SMC5: variants seen among roughly 807,000 people sequenced by gnomAD.
The protein encoded by SMC5 is structural maintenance of chromosomes protein 5.
A neutral mutation model predicts 148.3 loss-of-function variants in SMC5; 88 were observed. The ratio of observed to expected loss-of-function variants is 0.59; its 90% CI spans 0.50 to 0.71. The LOEUF is 0.71. SMC5 is among the 30% of genes least tolerant of loss of function. The pLI, the probability that SMC5 is intolerant of heterozygous loss-of-function variation, is 0.00. For synonymous variants in SMC5, 421 were observed against 432.8 expected (o/e 0.97, Z 0.34); for missense variants, 1,142 against 1,298.9 (o/e 0.88, Z 1.86).
intron 3 of SMC5, among the ~76,000 whole-genome samples, chr9:70,273,832 A>G (rs1000178172): frequency 2.0e-5 from 3 of 152,160 alleles, no homozygotes; most frequent in African/African-American, 7.2e-5. Flanking sequence ...TTTTGTAGTG[A>G]ACTTTAGTAA....
Position 70,347,638 on chromosome 9 carries a change from A to G in SMC5, c.2690A>G (p.Glu897Gly), listed in dbSNP as rs774306337. 1.9e-6 allele frequency: 3 copies of G among 1,575,994 alleles called. No individual in the cohort carries two copies. The South Asian group carries it at 3.5e-5, about 19-fold the overall frequency. Residue 897 changes from glutamate to glycine, a missense_variant, in exon 21 of 25, where the codon GAA becomes GGA. Around this residue, in one of 5 missense-constraint regions of SMC5, gnomAD observed 743 missense variants for 835.7 expected, o/e 0.89. Coordinates refer to ENST00000361138, the MANE Select transcript of SMC5 (RefSeq NM_015110.4). ...PTIVQEYTKR[E>G]EEIEQLTEEL... is the part of the protein sequence containing the mutation. The stretch of plus-strand genomic sequence containing the variant: ...ATTGTTCAGGAATATACAAAAAGAG[A>G]AGAAGAAATAGAACAGTTAACTGAG...
chr9:70,342,237 TGTG>T (rs1296647269), intron 17 of SMC5, among the ~76,000 whole-genome samples: 1 of 102,232 alleles, frequency 9.8e-6, no homozygotes, highest in African/African-American at 3.9e-5. Flanking sequence ...TGGGGACTGT[TGTG>T]GGGTGGGGGG....
At chr9:70,347,805 A>C (rs1338976180) in intron 21 of SMC5, 88 bp downstream of exon 21, 5 of 1,244,534 alleles carry the variant, frequency 4.0e-6, no homozygotes, top group Non-Finnish European at 5.6e-6. Context: ...ACATGCTTCT[A>C]AGAGAAGTGT....
At chr9:70,338,926 TAGG>T (rs2036437200) in intron 17 of SMC5, among the ~76,000 whole-genome samples, 1 of 152,174 alleles carries the variant, frequency 6.6e-6, no homozygotes, top group Non-Finnish European at 1.5e-5. Flanking sequence ...GAGGCTGAGA[TAGG>T]AGGATCACTT....
In SMC5 at chr9:70,311,869, C is replaced by T. The variant is rs190279468; in HGVS notation, c.1579-2873C>T. ...GTTTTACTTTCTTTTTTTTCCCAAT[C>T]TTTTCTTTCTTGTGCATTATTACAT... On this transcript the variant is annotated intron_variant, in intron 11 of 24. Transcript: ENST00000361138. 9.9e-5 allele frequency: 15 copies of T among 151,894 alleles called. No homozygotes were observed. The East Asian group carries it at 2.9e-3, about 29-fold the overall frequency. The allele number at this position is 151,894 out of a possible 1,614,324, so 9.4% of individuals were successfully genotyped here. A position where few individuals can be genotyped will look rare whatever the true frequency, so the allele number is the denominator to read the frequency against.
intron 7 of SMC5, among the ~76,000 whole-genome samples, chr9:70,283,606 AC>A (rs2034815407): frequency 6.6e-6 from 1 of 152,194 alleles, no homozygotes; most frequent in African/African-American, 2.4e-5. Context: ...ATTTTATGAA[AC>A]CAGAAAACCA....
At chr9:70,284,072 A>G (rs985313628) in intron 7 of SMC5, among the ~76,000 whole-genome samples, 5 of 152,206 alleles carry the variant, frequency 3.3e-5, no homozygotes, top group Non-Finnish European at 5.9e-5. Flanking sequence ...GAGCATTTCT[A>G]CTGAGTGAGA....
At chr9:70,328,374 G>A (rs191986304) in intron 17 of SMC5, among the ~76,000 whole-genome samples, 195 of 152,284 alleles carry the variant, frequency 1.3e-3, no homozygotes, top group African/African-American at 3.4e-3. Context: ...TAGTGGGGGC[G>A]CAGGCATTGG....
At chr9:70,283,522 A>G (rs562786058) in intron 7 of SMC5, among the ~76,000 whole-genome samples, 5 of 152,212 alleles carry the variant, frequency 3.3e-5, no homozygotes, top group Non-Finnish European at 7.4e-5. Context: ...AATCTCTGAT[A>G]TAAATTGTCA....
At chr9:70,309,155 G>T (rs1460043373) in intron 11 of SMC5, among the ~76,000 whole-genome samples, 1 of 152,058 alleles carries the variant, frequency 6.6e-6, no homozygotes, top group Admixed American at 6.6e-5. Flanking sequence ...GATAGCTGCT[G>T]ACTGATCAAG....
chr9:70,350,000 G>A, intron 22 of SMC5, 114 bp from the exon 23 acceptor site: 1 of 553,244 alleles, frequency 1.8e-6, no homozygotes, highest in East Asian at 3.1e-5. Flanking sequence ...TTAAACTAGT[G>A]TCACTAAATT....
intron 10 of SMC5, among the ~76,000 whole-genome samples, chr9:70,304,010 G>C (rs2035431677): frequency 6.6e-6 from 1 of 152,166 alleles, no homozygotes; most frequent in Non-Finnish European, 1.5e-5. Flanking sequence ...TGTACTTCCA[G>C]AAGTAGCTTT....
At chr9:70,308,590 CAAAAAAAA>C (rs59441324) in intron 11 of SMC5, among the ~76,000 whole-genome samples, 10 of 72,250 alleles carry the variant, frequency 1.4e-4, no homozygotes, top group East Asian at 4.3e-4. Context: ...GACTCTGTCT[CAAAAAAAA>C]AAAAAAAAAA....
intron 9 of SMC5, among the ~76,000 whole-genome samples, chr9:70,299,787 T>TTTTG (rs148752315): frequency 0.013 from 1,944 of 151,644 alleles, 27 homozygotes; most frequent in African/African-American, 0.04. Context: ...TTGTGGGTTT[T>TTTTG]TTTGTTTGTT....
intron 11 of SMC5, among the ~76,000 whole-genome samples, chr9:70,312,530 T>G (rs2035685770): frequency 6.6e-6 from 1 of 152,210 alleles, no homozygotes; most frequent in South Asian, 2.1e-4. Flanking sequence ...AGGAAAGCAC[T>G]TAATGTTTCA....
intron 8 of SMC5, 142 bp from the exon 9 acceptor site, chr9:70,297,824 T>C: frequency 1.2e-6 from 1 of 856,972 alleles, no homozygotes; most frequent in Non-Finnish European, 1.8e-6. Context: ...GGTAATGTGC[T>C]AGTCTAATTC....
chr9:70,301,437 C>T (rs1192753555), intron 10 of SMC5, among the ~76,000 whole-genome samples: 1 of 152,178 alleles, frequency 6.6e-6, no homozygotes, highest in Non-Finnish European at 1.5e-5. Flanking sequence ...ACCTTTCCTG[C>T]CACCTTCCTA....
At chr9:70,349,570 TAA>T (rs2036754582) in intron 22 of SMC5, among the ~76,000 whole-genome samples, 1 of 152,214 alleles carries the variant, frequency 6.6e-6, no homozygotes, top group East Asian at 1.9e-4. Context: ...ATGTATGACT[TAA>T]GTTTTCAAAG....
chr9:70,301,156 G>C (rs2035347815), intron 10 of SMC5, among the ~76,000 whole-genome samples: 1 of 152,090 alleles, frequency 6.6e-6, no homozygotes, highest in Non-Finnish European at 1.5e-5. Context: ...GTCTGATGAG[G>C]ATTGAAAGAA....
Sources: allele counts gnomAD v4.1 joint callset (sites outside exome capture counted in the v4.1 genomes callset), GRCh38; gene constraint gnomAD v4.1.1; regional missense constraint gnomAD v4.1.1; transcripts MANE v1.5; gene names NCBI Gene and HGNC (gene_info 2026-07-23, HGNC 2026-07-21).